Variants in CUBN observed in about 807,000 individuals in gnomAD.
CUBN encodes 460 kDa receptor.
In CUBN, 282 loss-of-function variants were observed where a neutral mutation model predicts 405.3. The observed-to-expected ratio is 0.70, with a 90% CI of 0.63 to 0.77. CUBN has a LOEUF of 0.77. CUBN is among the 30% of genes least tolerant of loss of function. The pLI is 0.00. For synonymous variants in CUBN, 1,684 were observed against 1,617.0 expected (o/e 1.04, Z -0.99); for missense variants, 4,514 against 4,475.2 (o/e 1.01, Z -0.25).
At chr10:16,911,921 C>A (rs769019753) in intron 48 of CUBN, among the ~76,000 whole-genome samples, 3 of 151,986 alleles carry the variant, frequency 2.0e-5, no homozygotes, top group African/African-American at 7.3e-5. Flanking sequence ...ATTACAAGTA[C>A]ATAAAGTATG....
chr10:16,931,066 T>C lies in CUBN; in HGVS notation c.6124+2021A>G, dbSNP rs193033741. ...GGTCAGGAGATCAAGACCATCCTGG[T>C]TAACACAGTGAAACCCCACCTCTAC... On this transcript the variant is annotated intron_variant, in intron 40 of 66. Coordinates refer to ENST00000377833, the MANE Select transcript of CUBN (RefSeq NM_001081.4). Among the ~76,000 whole-genome samples the C allele has an allele frequency of 1.5e-3, 225 of 151,452 alleles. 1 individual carries two copies. The highest frequency in any genetic ancestry group is 0.01 in the South Asian group (49 of 4,774).
chr10:17,008,426 G>T (rs1411720775), intron 28 of CUBN, among the ~76,000 whole-genome samples: 1 of 138,766 alleles, frequency 7.2e-6, no homozygotes, highest in African/African-American at 2.8e-5. Context: ...CAGAATCCCT[G>T]CTCGTGTGTG....
At chr10:16,997,052 T>C (rs1038835130) in intron 28 of CUBN, among the ~76,000 whole-genome samples, 1 of 152,202 alleles carries the variant, frequency 6.6e-6, no homozygotes, top group Admixed American at 6.5e-5. Flanking sequence ...TAGCTTTTTT[T>C]CTATAACTTA....
At chr10:16,937,253 C>T (rs1404573027) in intron 39 of CUBN, among the ~76,000 whole-genome samples, 2 of 152,064 alleles carry the variant, frequency 1.3e-5, no homozygotes, top group Non-Finnish European at 2.9e-5. Context: ...CCTTAACTAA[C>T]TGATTGTGTG....
At chr10:16,942,654 TA>T (rs1439526450) in intron 36 of CUBN, among the ~76,000 whole-genome samples, 1 of 152,084 alleles carries the variant, frequency 6.6e-6, no homozygotes, top group Non-Finnish European at 1.5e-5. Flanking sequence ...TCCATCCCTA[TA>T]AAAAAGTTTG....
chr10:17,122,128 T>C (rs1216657182), intron 6 of CUBN: 1 of 154,204 alleles, frequency 6.5e-6, no homozygotes, highest in Non-Finnish European at 1.4e-5. Flanking sequence ...ATAGAGGCCC[T>C]GAGATGCCTC....
rs946315516 is a variant in CUBN at position 16,940,113 on chromosome 10, T to C, written c.5467A>G (p.Ile1823Val). The change falls in exon 37 of 67, where the codon ATC becomes GTC. Residue 1823 changes from isoleucine to valine, a missense_variant. By Grantham distance (29) the Ile-to-Val change is conservative (BLOSUM62 3). Coordinates refer to ENST00000377833, the MANE Select transcript of CUBN (RefSeq NM_001081.4). ...CTGACCCACAGGGTATGTCCAACGA[T>C]GGAAGAATAATTGAGAGGGAAGGAG... ...GNSFPLNYSS[I>V]VGHTLWVRFI... The C allele has an allele frequency of 3.4e-5, 55 of 1,614,026 alleles. No individual in the cohort carries two copies. The highest frequency in any genetic ancestry group is 4.2e-5 in the Non-Finnish European group (50 of 1,180,012).
At chr10:17,015,556 G>A (rs533937179) in intron 28 of CUBN, among the ~76,000 whole-genome samples, 66 of 152,278 alleles carry the variant, frequency 4.3e-4, no homozygotes, top group Admixed American at 6.5e-5. Context: ...TTAACACTGA[G>A]AAGGCCATGC....
At chr10:16,832,931 C>T (rs73590386) in intron 64 of CUBN, among the ~76,000 whole-genome samples, 21,188 of 152,106 alleles carry the variant, frequency 0.14, 1,703 homozygotes, top group African/African-American at 0.22. Flanking sequence ...CACTGAGAGC[C>T]AGATGGAGCT....
chr10:17,113,483 G>A (rs1366218362), intron 8 of CUBN, among the ~76,000 whole-genome samples: 2 of 152,058 alleles, frequency 1.3e-5, no homozygotes, highest in Admixed American at 6.6e-5. Context: ...AGATGCCCTC[G>A]GATTCAAACA....
At chr10:17,087,973 AC>A (rs1481035186) in intron 15 of CUBN, among the ~76,000 whole-genome samples, 190 bp downstream of exon 15, 1 of 152,124 alleles carries the variant, frequency 6.6e-6, no homozygotes, top group Non-Finnish European at 1.5e-5. Context: ...TTCAAATGGA[AC>A]CCAGAAGAAG....
Position 17,111,044 on chromosome 10 carries a change from T to C in CUBN, c.890A>G (p.Gln297Arg), listed in dbSNP as rs2131308865. The change falls in exon 9 of 67, where the codon CAA (glutamine) becomes CGA (arginine). Residue 297 changes from glutamine (Q) to arginine (R), a missense_variant. Gln to Arg is a conservative substitution (Grantham distance 43, BLOSUM62 1). This residue lies in a region of CUBN where 1,448 missense variants were observed against 1,388.0 expected (regional missense o/e 1.04). Coordinates refer to ENST00000377833, the MANE Select transcript of CUBN (RefSeq NM_001081.4). ...ATCTTCGCAAATATATCCATTGCCT[T>C]GCCAGCCTAGGAAAACAAGAGGATT... Reference protein sequence around the residue: ...FYCGACPTGWQGNGYICEDIN... With the variant: ...FYCGACPTGWRGNGYICEDIN... The C allele has an allele frequency of 6.2e-7, 1 of 1,614,170 alleles. No individual in the cohort carries two copies. Among genetic ancestry groups the C allele is most frequent in the East Asian group, 2.2e-5 (1 of 44,888 alleles).
At position 17,123,685 on chromosome 10, in the gene CUBN, A is replaced by G; in HGVS notation, c.392T>C (p.Val131Ala). 5 of 1,612,372 alleles carry G rather than the reference A, an allele frequency of 3.1e-6. No homozygotes were observed. The highest frequency in any genetic ancestry group is 1.3e-5 in the African/African-American group (1 of 75,016). Residue 131 changes from valine to alanine, a missense_variant, in exon 5 of 67, where the codon GTT (valine) becomes GCT (alanine). Physicochemically the swap from Val to Ala is moderately conservative, Grantham distance 64. Transcript: ENST00000377833. ...ATTGCTGCTGCAAACCTTTTTGTCA[A>G]CAGTCTGAAACAAAAACAGGACAGT... Reference protein sequence around the residue: ...ERKFQGLQQTVDKKVCSSNPC... With the variant: ...ERKFQGLQQTADKKVCSSNPC...
At chr10:16,920,655 T>G (rs1842008483) in intron 43 of CUBN, among the ~76,000 whole-genome samples, 1 of 152,232 alleles carries the variant, frequency 6.6e-6, no homozygotes, top group Admixed American at 6.5e-5. Context: ...TGAAATAATT[T>G]ATTAGTAATG....
At chr10:16,890,585 G>A in intron 54 of CUBN, 58 bp from the exon 55 acceptor site, 1 of 1,573,576 alleles carries the variant, frequency 6.4e-7, no homozygotes, top group African/African-American at 1.3e-5. Flanking sequence ...ATATTTTAAT[G>A]CACTTAGGTT....
In CUBN at chr10:16,933,323, T is replaced by C. The variant is rs750146686; in HGVS notation, c.5927-39A>G. On this transcript the variant is annotated intron_variant, in intron 39 of 66. Coordinates refer to ENST00000377833, the MANE Select transcript of CUBN (RefSeq NM_001081.4). ...AGCAACATCTTTGACACAGCCCTAA[T>C]GGAAAAGACGCTAGCTAGCACTTTT... 32 of 1,589,828 alleles carry C rather than the reference T, an allele frequency of 2.0e-5. No individual in the cohort carries two copies. The Admixed American group carries it at 5.3e-4, about 27-fold the overall frequency.
At chr10:16,861,204 C>T (rs1840003049) in intron 59 of CUBN, among the ~76,000 whole-genome samples, 1 of 151,810 alleles carries the variant, frequency 6.6e-6, no homozygotes, top group Non-Finnish European at 1.5e-5. Flanking sequence ...CTCTGTCACC[C>T]AGGCTGGAGT....
intron 40 of CUBN, among the ~76,000 whole-genome samples, chr10:16,932,655 G>T (rs969673810): frequency 2.6e-4 from 39 of 152,078 alleles, no homozygotes; most frequent in Admixed American, 1.1e-3. Context: ...GGAACTCTTG[G>T]ACTCAAGTGA....
intron 27 of CUBN, among the ~76,000 whole-genome samples, chr10:17,031,516 A>G (rs1447359642): frequency 6.6e-6 from 1 of 152,198 alleles, no homozygotes; most frequent in Non-Finnish European, 1.5e-5. Context: ...CTTCATTCTG[A>G]AGTTACCTGC....
Sources: allele counts gnomAD v4.1 joint callset (sites outside exome capture counted in the v4.1 genomes callset), GRCh38; gene constraint gnomAD v4.1.1; regional missense constraint gnomAD v4.1.1; transcripts MANE v1.5; gene names NCBI Gene and HGNC (gene_info 2026-07-23, HGNC 2026-07-21).